Variants in OSBPL3 observed in about 807,000 individuals in gnomAD.
OSBPL3 encodes oxysterol-binding protein-related protein 3.
A neutral mutation model predicts 120.1 loss-of-function variants in OSBPL3; 65 were observed. The observed-to-expected ratio is 0.54, with a 90% CI of 0.44 to 0.67. The LOEUF (loss-of-function observed/expected upper bound fraction) is 0.67. Ranked by LOEUF, OSBPL3 falls within the 30% of genes least tolerant of loss-of-function variation. The pLI, the probability that OSBPL3 is intolerant of heterozygous loss-of-function variation, is 0.00. For synonymous variants in OSBPL3, 416 were observed against 402.6 expected (o/e 1.03, Z -0.40); for missense variants, 1,004 against 1,082.1 (o/e 0.93, Z 1.01).
chr7:24,844,458 A>G (rs1445879119), intron 12 of OSBPL3, among the ~76,000 whole-genome samples: 1 of 152,016 alleles, frequency 6.6e-6, no homozygotes, highest in Non-Finnish European at 1.5e-5. Context: ...TCTTCTTCCA[A>G]TGTGGCCTAG....
rs1185059839 is a variant in OSBPL3, at chr7:24,861,656, C to G, written c.984G>C (p.Glu328Asp). 2 of 1,607,850 alleles carry G rather than the reference C, an allele frequency of 1.2e-6. No individual in the cohort carries two copies. Among genetic ancestry groups the G allele is most frequent in the Non-Finnish European group, 1.7e-6 (2 of 1,177,478 alleles). The stretch of plus-strand genomic sequence containing the variant: ...ACAGATCTTCTTGCATTTTAGAAAA[C>G]TCTGATGAGGTTTCAGAGCCATCAG... Reference protein sequence around the residue: ...NYSDGSETSSEFSKMQEDLCH... With the variant: ...NYSDGSETSSDFSKMQEDLCH... The change falls in exon 10 of 23, where the codon GAG becomes GAC. Residue 328 changes from glutamate to aspartate, a missense_variant. Physicochemically the swap from Glu to Asp is conservative, Grantham distance 45 (BLOSUM62 2). Around this residue, in one of 4 missense-constraint regions of OSBPL3, gnomAD observed 272 missense variants for 248.8 expected, o/e 1.09. Transcript: ENST00000313367.
intron 14 of OSBPL3, among the ~76,000 whole-genome samples, chr7:24,839,534 T>C (rs921423673): frequency 6.6e-6 from 1 of 152,200 alleles, no homozygotes; most frequent in Non-Finnish European, 1.5e-5. Flanking sequence ...ATTTGTTACT[T>C]TCAAATGTGT....
Position 24,872,035 on chromosome 7 carries a change from T to TC in OSBPL3, c.130dup (p.Glu44GlyfsTer28). ...TGGTGGCTCCTGGGTGTAATTCATC[T>TC]CCCCCCTCAGTCCTTCCACCACTTC... On this transcript the variant is annotated frameshift_variant, in exon 3 of 23. Transcript: ENST00000313367. LOFTEE classifies it high-confidence loss of function. The surrounding 1 kb of genome is among the most constrained non-coding windows in gnomAD (Gnocchi z 4.1). 1 of 1,613,460 alleles carries TC rather than the reference T, an allele frequency of 6.2e-7. No homozygotes were observed. The highest frequency in any genetic ancestry group is 8.5e-7 in the Non-Finnish European group (1 of 1,179,570).
intron 1 of OSBPL3, among the ~76,000 whole-genome samples, chr7:24,919,880 A>G (rs985670419): frequency 1.3e-5 from 2 of 152,032 alleles, no homozygotes; most frequent in African/African-American, 4.8e-5. Context: ...CAAAGAAGCC[A>G]CAAAAAATGG....
Position 24,820,554 on chromosome 7 carries a change from C to T in OSBPL3, c.1885-316G>A, listed in dbSNP as rs1372028468. Among the ~76,000 whole-genome samples, 2 of 152,162 alleles carry T rather than the reference C, an allele frequency of 1.3e-5. No individual in the cohort carries two copies. The highest frequency in any genetic ancestry group is 4.8e-5 in the African/African-American group (2 of 41,428). The stretch of plus-strand genomic sequence containing the variant: ...AAAGACATAAAAATAAAAACGGAGA[C>T]ATGTGAGGACTGCTCATCCATAACA... On this transcript the variant is annotated intron_variant, in intron 16 of 22. Transcript: ENST00000313367. The surrounding 1 kb of genome is among the most constrained non-coding windows in gnomAD (Gnocchi z 4.6).
intron 7 of OSBPL3, among the ~76,000 whole-genome samples, chr7:24,864,806 C>T (rs929380812): frequency 5.3e-5 from 8 of 152,044 alleles, no homozygotes; most frequent in African/African-American, 1.2e-4. Context: ...TTATGGCAGG[C>T]GCCTTATCAA....
At chr7:24,845,836 A>G (rs1405204345) in intron 12 of OSBPL3, among the ~76,000 whole-genome samples, 5 of 152,216 alleles carry the variant, frequency 3.3e-5, no homozygotes, top group African/African-American at 9.7e-5. Context: ...TGCAATGAGA[A>G]GATTTAAACT....
intron 1 of OSBPL3, among the ~76,000 whole-genome samples, chr7:24,979,416 C>T (rs938760731): frequency 4.6e-5 from 7 of 152,148 alleles, no homozygotes; most frequent in African/African-American, 1.7e-4. Context: ...GGAAGGCGGG[C>T]GAGCGGAGCG....
intron 1 of OSBPL3, among the ~76,000 whole-genome samples, chr7:24,979,480 T>C (rs1817968987): frequency 6.6e-6 from 1 of 152,044 alleles, no homozygotes; most frequent in Non-Finnish European, 1.5e-5. Context: ...CCCGCGGATG[T>C]GGTAAAGCTT....
rs1794917687 is a variant in OSBPL3 at position 24,819,956 on chromosome 7, T to C, written c.1948+219A>G. Reference sequence around the variant, plus strand: ...CTTGAAATATGTGAGGCATTTCAAATGATTTTTACATAAGATAAAGTTACA... The same window carrying C: ...CTTGAAATATGTGAGGCATTTCAAACGATTTTTACATAAGATAAAGTTACA... On this transcript the variant is annotated intron_variant, in intron 17 of 22. Transcript: ENST00000313367. This position sits in a 1 kb window ranked among gnomAD's most constrained non-coding sequence, Gnocchi z 4.1. 1.3e-5 allele frequency among the ~76,000 whole-genome samples: 2 copies of C among 152,220 alleles called. No homozygotes were observed. Among genetic ancestry groups the C allele is most frequent in the South Asian group, 2.1e-4 (1 of 4,836 alleles).
At chr7:24,969,437 T>C (rs969205380) in intron 1 of OSBPL3, among the ~76,000 whole-genome samples, 1 of 152,228 alleles carries the variant, frequency 6.6e-6, no homozygotes, top group African/African-American at 2.4e-5. Context: ...CCTTTTGACA[T>C]AGTTTTTAAA....
rs933492743 is a variant in OSBPL3, at chr7:24,818,794, T to G, written c.1948+1381A>C. On this transcript the variant is annotated intron_variant, in intron 17 of 22. Coordinates refer to ENST00000313367, the MANE Select transcript of OSBPL3 (RefSeq NM_015550.4). This position sits in a 1 kb window ranked among gnomAD's most constrained non-coding sequence, Gnocchi z 4.0. ...AAGGCAGAGAAATGTCAGGCTGGGT[T>G]ACAAAGCAAGATTTGGGAATCCTAG... Among the ~76,000 whole-genome samples, 6 of 152,160 alleles carry G rather than the reference T, an allele frequency of 3.9e-5. No individual in the cohort carries two copies. Among genetic ancestry groups the G allele is most frequent in the African/African-American group, 1.4e-4 (6 of 41,428 alleles).
rs7810587 is a variant in OSBPL3, at chr7:24,820,343, A to T, written c.1885-105T>A. The T allele has an allele frequency of 1.2e-6, 1 of 803,448 alleles. No individual in the cohort carries two copies. The highest frequency in any genetic ancestry group is 1.7e-5 in the African/African-American group (1 of 57,438). 49.8% of individuals were successfully genotyped at this position (803,448 alleles called of 1,614,324 possible). A position where few individuals can be genotyped will look rare whatever the true frequency, so the allele number is the denominator to read the frequency against. On this transcript the variant is annotated intron_variant, in intron 16 of 22. Coordinates refer to ENST00000313367, the MANE Select transcript of OSBPL3 (RefSeq NM_015550.4). The surrounding 1 kb of genome is among the most constrained non-coding windows in gnomAD (Gnocchi z 4.6). ...TGAGATGTAACAGCGTGCAATGCTG[A>T]ACTGAAGGAAAAACTTCTTTAGTTT...
rs935256168 is a variant in OSBPL3, at chr7:24,831,136, A to G, written c.1747-231T>C. On this transcript the variant is annotated intron_variant, in intron 15 of 22. Transcript: ENST00000313367. The surrounding 1 kb of genome is among the most constrained non-coding windows in gnomAD (Gnocchi z 4.0). Reference sequence around the variant, plus strand: ...AAGCTGTCCATTTATCTTGATGCCTAAAAGTTGGGAGATGCTATAAAGACG... The same window carrying G: ...AAGCTGTCCATTTATCTTGATGCCTGAAAGTTGGGAGATGCTATAAAGACG... Among the ~76,000 whole-genome samples the G allele has an allele frequency of 4.6e-5, 7 of 152,174 alleles. No homozygotes were observed. Among genetic ancestry groups the G allele is most frequent in the African/African-American group, 1.7e-4 (7 of 41,446 alleles).
rs906457876 is a variant in OSBPL3, at chr7:24,868,359, GTGTGTGTGTGTC to G, written c.382-2134_382-2123del. ...AAAAAGTGTGTGTGTGTGTGTGTGT[GTGTGTGTGTGTC>G]TGTGTGTGATGGTGTATTGATATTT... On this transcript the variant is annotated intron_variant, in intron 5 of 22. Transcript: ENST00000313367. Among the ~76,000 whole-genome samples the G allele has an allele frequency of 1.6e-4, 24 of 148,200 alleles. No homozygotes were observed. The South Asian group carries it at 3.3e-3, about 21-fold the overall frequency.
At chr7:24,807,517 T>TAATAATAATAATAAC (rs139700441) in intron 20 of OSBPL3, among the ~76,000 whole-genome samples, 4 of 151,172 alleles carry the variant, frequency 2.6e-5, no homozygotes, top group South Asian at 4.2e-4. Context: ...ATAATAATAA[T>TAATAATAATAATAAC]AACAACAATA....
At chr7:24,828,602 G>C (rs542799706) in intron 16 of OSBPL3, among the ~76,000 whole-genome samples, 1 of 74,666 alleles carries the variant, frequency 1.3e-5, no homozygotes, top group Admixed American at 2.1e-4. Flanking sequence ...GTGAGACTCT[G>C]TCTGAAAAAA....
rs563415743 is a variant in OSBPL3 at position 24,879,888 on chromosome 7, T to C, written c.97-7819A>G. 3.9e-5 allele frequency among the ~76,000 whole-genome samples: 6 copies of C among 152,360 alleles called. No homozygotes were observed. The highest frequency in any genetic ancestry group is 1.9e-4 in the East Asian group (1 of 5,194). ...CATGTTTTTAGGCCCCTCAGATATATTGGGAAGCCATTAATATTTGTTAAA... is the reference window on the plus strand; with the variant it reads ...CATGTTTTTAGGCCCCTCAGATATACTGGGAAGCCATTAATATTTGTTAAA... On this transcript the variant is annotated intron_variant, in intron 2 of 22. Coordinates refer to ENST00000313367, the MANE Select transcript of OSBPL3 (RefSeq NM_015550.4). The surrounding 1 kb of genome is among the most constrained non-coding windows in gnomAD (Gnocchi z 5.6).
At position 24,804,808 on chromosome 7, in the gene OSBPL3, C is replaced by T. The variant is rs1436742589; in HGVS notation, c.2445-371G>A. On this transcript the variant is annotated intron_variant, in intron 21 of 22. Transcript: ENST00000313367. The surrounding 1 kb of genome is among the most constrained non-coding windows in gnomAD (Gnocchi z 5.4). ...ACAAATATTAACACATATTCTTATC[C>T]CTCCCTCCGTTTAAAAAATATAAAT... 1.3e-5 allele frequency among the ~76,000 whole-genome samples: 2 copies of T among 152,060 alleles called. No individual in the cohort carries two copies. The highest frequency in any genetic ancestry group is 4.8e-5 in the African/African-American group (2 of 41,376).
Sources: allele counts gnomAD v4.1 joint callset (sites outside exome capture counted in the v4.1 genomes callset), GRCh38; gene constraint gnomAD v4.1.1; regional missense constraint gnomAD v4.1.1; non-coding constraint Gnocchi (gnomAD v3.1); transcripts MANE v1.5; gene names NCBI Gene and HGNC (gene_info 2026-07-23, HGNC 2026-07-21).